The following BMPR1B variants were observed in gnomAD, a reference collection of about 807,000 sequenced individuals.
BMPR1B encodes the protein bone morphogenetic protein receptor type 1B.
BMPR1B carries 12 observed loss-of-function variants against 59.1 expected under a neutral mutation model. The ratio of observed to expected loss-of-function variants is 0.20; its 90% CI spans 0.13 to 0.33. The LOEUF (loss-of-function observed/expected upper bound fraction) is 0.33, where lower values mean the gene tolerates loss of function less well. Ranked by LOEUF, BMPR1B falls within the 10% of genes least tolerant of loss-of-function variation. The pLI is 1.00. For missense variants in BMPR1B, 550 were observed against 610.9 expected (o/e 0.90, Z 1.05); for synonymous variants, 237 against 207.3 (o/e 1.14, Z -1.23).
At chr4:94,808,975 T>A (rs1409740885) in intron 1 of BMPR1B, among the ~76,000 whole-genome samples, 4 of 152,070 alleles carry the variant, frequency 2.6e-5, no homozygotes, top group African/African-American at 9.6e-5. Flanking sequence ...GAATTGCTTG[T>A]ACCTGGGAGC....
intron 2 of BMPR1B, among the ~76,000 whole-genome samples, chr4:94,909,226 A>G (rs1352019329): frequency 2.0e-5 from 3 of 152,050 alleles, no homozygotes; most frequent in African/African-American, 4.8e-5. Context: ...GAATATAATT[A>G]TGTCTGGGAA....
intron 4 of BMPR1B, among the ~76,000 whole-genome samples, chr4:95,105,898 G>A (rs188787947): frequency 1.3e-5 from 2 of 152,074 alleles, no homozygotes; most frequent in African/African-American, 4.8e-5. Flanking sequence ...GTAGCGTGGG[G>A]TATTTTACTA....
At chr4:94,863,664 A>G (rs1375988291) in intron 1 of BMPR1B, among the ~76,000 whole-genome samples, 4 of 152,142 alleles carry the variant, frequency 2.6e-5, no homozygotes, top group Non-Finnish European at 4.4e-5. Context: ...CAATTTTATG[A>G]TATGATTTTT....
chr4:95,123,813 T>C lies in BMPR1B; in HGVS notation c.353T>C (p.Phe118Ser). 6.2e-7 allele frequency: 1 copy of C among 1,605,228 alleles called. No homozygotes were observed. Among genetic ancestry groups the C allele is most frequent in the Non-Finnish European group, 8.5e-7 (1 of 1,173,886 alleles). Reference sequence around the variant, plus strand: ...CTCTTTTTCTTTTTAATTTCAGATTTTGTTGATGGACCTATACACCACAGG... The same window carrying C: ...CTCTTTTTCTTTTTAATTTCAGATTCTGTTGATGGACCTATACACCACAGG... ...PTLPPLKNRDFVDGPIHHRAL... is the reference protein window; with the variant it reads ...PTLPPLKNRDSVDGPIHHRAL... The change falls in exon 7 of 13, where the codon TTT (phenylalanine) becomes TCT (serine). Residue 118 changes from phenylalanine to serine, a missense_variant. By Grantham distance (155) the Phe-to-Ser change is radical. Around this residue, in one of 6 missense-constraint regions of BMPR1B, gnomAD observed 20 missense variants for 39.9 expected, o/e 0.50. Transcript: ENST00000515059.
intron 1 of BMPR1B, among the ~76,000 whole-genome samples, chr4:94,792,996 A>G (rs1723039715): frequency 8.5e-6 from 1 of 117,424 alleles, no homozygotes; most frequent in African/African-American, 3.4e-5. Flanking sequence ...AGAAGGATCT[A>G]TAGAAAACTT....
intron 2 of BMPR1B, among the ~76,000 whole-genome samples, chr4:94,915,419 C>A (rs528494571): frequency 6.6e-6 from 1 of 152,280 alleles, no homozygotes; most frequent in Admixed American, 6.5e-5. Context: ...CCAATTCTCA[C>A]CCCTCCTCCC....
intron 12 of BMPR1B, among the ~76,000 whole-genome samples, chr4:95,153,647 G>C (rs112340661): frequency 2.0e-5 from 3 of 151,970 alleles, no homozygotes; most frequent in African/African-American, 7.3e-5. Context: ...CCAGAAGTTC[G>C]AGACCAGCCT....
intron 2 of BMPR1B, among the ~76,000 whole-genome samples, chr4:94,921,629 T>C (rs13123144): frequency 0.24 from 36,915 of 151,940 alleles, 5,424 homozygotes; most frequent in African/African-American, 0.41. Context: ...AAGATGGTGC[T>C]AAACCATTCA....
At chr4:94,929,294 GA>G (rs1209044175) in intron 2 of BMPR1B, among the ~76,000 whole-genome samples, 1 of 152,054 alleles carries the variant, frequency 6.6e-6, no homozygotes, top group Non-Finnish European at 1.5e-5. Flanking sequence ...AACTAAACTA[GA>G]ATCACTTGGA....
At chr4:94,953,636 G>A (rs1730033982) in intron 2 of BMPR1B, among the ~76,000 whole-genome samples, 1 of 152,202 alleles carries the variant, frequency 6.6e-6, no homozygotes, top group Non-Finnish European at 1.5e-5. Flanking sequence ...CTGTTAGCGT[G>A]ATGCGCTTTC....
rs1054562611 is a variant in BMPR1B, at chr4:94,839,914, A to G, written c.-182-35917A>G. 3.9e-4 allele frequency among the ~76,000 whole-genome samples: 59 copies of G among 151,564 alleles called. 1 individual carries two copies. The highest frequency in any genetic ancestry group is 1.4e-3 in the African/African-American group (58 of 41,192). On this transcript the variant is annotated intron_variant, in intron 1 of 12. Transcript: ENST00000515059. ...TGGCTGGTACCGGTTGTTCCTTTCC[A>G]TGTTTAGTGCTTCCTTCAGGAGCTC...
chr4:94,822,764 A>C (rs894405857), intron 1 of BMPR1B, among the ~76,000 whole-genome samples: 1 of 152,140 alleles, frequency 6.6e-6, no homozygotes, highest in Non-Finnish European at 1.5e-5. Flanking sequence ...ACTCTGACTT[A>C]GGCATCTGAG....
intron 1 of BMPR1B, among the ~76,000 whole-genome samples, chr4:94,824,672 A>G (rs1468515834): frequency 1.3e-5 from 2 of 152,244 alleles, no homozygotes; most frequent in African/African-American, 2.4e-5. Context: ...AAATAAGGCA[A>G]ATAAGAATTT....
intron 1 of BMPR1B, among the ~76,000 whole-genome samples, chr4:94,798,216 T>C (rs899677609): frequency 6.6e-6 from 1 of 152,226 alleles, no homozygotes; most frequent in African/African-American, 2.4e-5. Flanking sequence ...TGATATATTA[T>C]GTGCTTGGAT....
At chr4:95,051,110 T>C (rs1726467009) in intron 3 of BMPR1B, among the ~76,000 whole-genome samples, 1 of 152,208 alleles carries the variant, frequency 6.6e-6, no homozygotes, top group African/African-American at 2.4e-5. Flanking sequence ...TCTGTGCACT[T>C]GATTCAAGGG....
intron 3 of BMPR1B, among the ~76,000 whole-genome samples, chr4:95,029,756 C>A (rs62316238): frequency 6.6e-6 from 1 of 151,920 alleles, no homozygotes; most frequent in Non-Finnish European, 1.5e-5. Flanking sequence ...TCCTATTTCT[C>A]CACATCCTCT....
chr4:95,036,750 G>T (rs1560609566), intron 3 of BMPR1B, among the ~76,000 whole-genome samples: 3 of 142,008 alleles, frequency 2.1e-5, no homozygotes, highest in African/African-American at 5.2e-5. Flanking sequence ...TGAGATTGTT[G>T]GATTTTATGG....
chr4:94,845,381 C>T (rs1313975489), intron 1 of BMPR1B, among the ~76,000 whole-genome samples: 6 of 150,596 alleles, frequency 4.0e-5, no homozygotes, highest in South Asian at 2.1e-4. Flanking sequence ...CTCACTCTGT[C>T]GCCCAGGCTG....
At chr4:94,957,350 T>G (rs1337369354) in intron 2 of BMPR1B, among the ~76,000 whole-genome samples, 1 of 147,454 alleles carries the variant, frequency 6.8e-6, no homozygotes, top group Non-Finnish European at 1.5e-5. Context: ...TTTTTTTTTT[T>G]TTTTTTTTTT....
Sources: allele counts gnomAD v4.1 joint callset (sites outside exome capture counted in the v4.1 genomes callset), GRCh38; gene constraint gnomAD v4.1.1; regional missense constraint gnomAD v4.1.1; transcripts MANE v1.5; gene names NCBI Gene and HGNC (gene_info 2026-07-23, HGNC 2026-07-21).